Variants in PITPNC1 observed in about 807,000 individuals in gnomAD.
PITPNC1 encodes phosphatidylinositol transfer protein cytoplasmic 1.
A neutral mutation model predicts 44.7 loss-of-function variants in PITPNC1; 18 were observed. The observed-to-expected ratio is 0.40, with a 90% CI of 0.28 to 0.60. The LOEUF is 0.60. Among genes scored for constraint, PITPNC1 ranks in the 20% least tolerant of loss-of-function variants. PITPNC1 has a pLI of 0.39. For missense variants in PITPNC1, 290 were observed against 418.4 expected (o/e 0.69, Z 2.68); for synonymous variants, 141 against 149.6 (o/e 0.94, Z 0.42).
intron 1 of PITPNC1, among the ~76,000 whole-genome samples, chr17:67,468,201 C>T (rs2039455060): frequency 6.6e-6 from 1 of 152,104 alleles, no homozygotes; most frequent in South Asian, 2.1e-4. Flanking sequence ...TCTAGTACAA[C>T]CACCAGCTGA....
chr17:67,414,664 C>G (rs969603251), intron 1 of PITPNC1, among the ~76,000 whole-genome samples: 2 of 151,944 alleles, frequency 1.3e-5, no homozygotes, highest in African/African-American at 4.8e-5. Context: ...GTGTGCAAAG[C>G]CAAAAATATT....
At chr17:67,466,214 G>C (rs1181036158) in intron 1 of PITPNC1, among the ~76,000 whole-genome samples, 1 of 135,592 alleles carries the variant, frequency 7.4e-6, no homozygotes, top group Non-Finnish European at 1.6e-5. Context: ...GTGGGGGGGG[G>C]CGCGTCTCAC....
chr17:67,601,513 G>A (rs1400707792), intron 5 of PITPNC1, among the ~76,000 whole-genome samples: 1 of 152,122 alleles, frequency 6.6e-6, no homozygotes, highest in Non-Finnish European at 1.5e-5. Context: ...CACTGTGGGA[G>A]GCTGGAGAAG....
intron 8 of PITPNC1, among the ~76,000 whole-genome samples, chr17:67,687,878 A>T (rs543476281): frequency 6.6e-6 from 1 of 152,066 alleles, no homozygotes; most frequent in Non-Finnish European, 1.5e-5. Flanking sequence ...GTAATCTCTC[A>T]ATCATTCATG....
At position 67,630,283 on chromosome 17, in the gene PITPNC1, T is replaced by C. The variant is rs150882924; in HGVS notation, c.367-1860T>C. On this transcript the variant is annotated intron_variant, in intron 5 of 8. Coordinates refer to ENST00000581322, the MANE Select transcript of PITPNC1 (RefSeq NM_012417.4). ...AATGAGCTAAACAGTGGGATGTGGCTACAGTTAAGACTTCCTCTAAGAATG... is the reference window on the plus strand; with the variant it reads ...AATGAGCTAAACAGTGGGATGTGGCCACAGTTAAGACTTCCTCTAAGAATG... Among the ~76,000 whole-genome samples, 9 of 152,370 alleles carry C rather than the reference T, an allele frequency of 5.9e-5. No homozygotes were observed. In the East Asian group the frequency reaches 1.7e-3, roughly 29 times the overall value.
intron 6 of PITPNC1, among the ~76,000 whole-genome samples, chr17:67,650,542 G>C (rs1210302959): frequency 6.9e-6 from 1 of 143,906 alleles, no homozygotes; most frequent in South Asian, 2.2e-4. Context: ...TCTGCCTCTC[G>C]GGTTTAAGCG....
chr17:67,516,730 C>T (rs141764649), intron 1 of PITPNC1, among the ~76,000 whole-genome samples: 2,191 of 152,246 alleles, frequency 0.014, 48 homozygotes, highest in African/African-American at 0.05. Flanking sequence ...GCGATTCTCC[C>T]GCCTCAGCCT....
At chr17:67,535,816 G>A (rs1341224902) in intron 2 of PITPNC1, among the ~76,000 whole-genome samples, 3 of 152,200 alleles carry the variant, frequency 2.0e-5, no homozygotes, top group African/African-American at 7.2e-5. Context: ...TAATGCTAAG[G>A]AAGGGCATCG....
chr17:67,497,863 CTT>C (rs372628446), intron 1 of PITPNC1, among the ~76,000 whole-genome samples: 1 of 131,680 alleles, frequency 7.6e-6, no homozygotes, highest in Non-Finnish European at 1.6e-5. Context: ...ATTTTTCTTT[CTT>C]TTTTTTTTTT....
chr17:67,627,598 A>G (rs1410607369), intron 5 of PITPNC1, among the ~76,000 whole-genome samples: 1 of 152,206 alleles, frequency 6.6e-6, no homozygotes, highest in East Asian at 1.9e-4. Flanking sequence ...GGAGACTCAG[A>G]TTCTGAATTT....
chr17:67,661,015 C>T (rs1301153067), intron 6 of PITPNC1, among the ~76,000 whole-genome samples: 3 of 148,496 alleles, frequency 2.0e-5, no homozygotes, highest in South Asian at 2.1e-4. Context: ...CCCGCCACCA[C>T]GCCCAGCTAA....
chr17:67,425,341 T>C (rs1272517434), intron 1 of PITPNC1, among the ~76,000 whole-genome samples: 1 of 148,402 alleles, frequency 6.7e-6, no homozygotes, highest in Non-Finnish European at 1.5e-5. Flanking sequence ...CCCTCAGAAA[T>C]GGTCACAGCT....
chr17:67,495,040 G>GTTTGTT (rs2039926874), intron 1 of PITPNC1, among the ~76,000 whole-genome samples: 3 of 64,722 alleles, frequency 4.6e-5, no homozygotes, highest in South Asian at 6.3e-4. Flanking sequence ...CCATGGAGTT[G>GTTTGTT]TTTTTTTTTT....
chr17:67,401,486 G>A (rs892432804), intron 1 of PITPNC1, among the ~76,000 whole-genome samples: 1 of 152,076 alleles, frequency 6.6e-6, no homozygotes, highest in Non-Finnish European at 1.5e-5. Context: ...TTTCAGGATC[G>A]TTTCTACCAC....
At chr17:67,517,495 C>T (rs2040273861) in intron 1 of PITPNC1, among the ~76,000 whole-genome samples, 1 of 152,140 alleles carries the variant, frequency 6.6e-6, no homozygotes, top group African/African-American at 2.4e-5. Flanking sequence ...ATAATAGCCA[C>T]AAGGTGGAAA....
intron 1 of PITPNC1, among the ~76,000 whole-genome samples, chr17:67,405,456 G>T (rs1048239915): frequency 6.6e-6 from 1 of 151,832 alleles, no homozygotes; most frequent in African/African-American, 2.4e-5. Context: ...GTTGATTGTG[G>T]CTTAAAAAAC....
chr17:67,571,281 A>T (rs2041053277), intron 4 of PITPNC1, among the ~76,000 whole-genome samples: 1 of 152,122 alleles, frequency 6.6e-6, no homozygotes. Context: ...AAGTAAAAAA[A>T]ATTAGCTGGG....
intron 8 of PITPNC1, among the ~76,000 whole-genome samples, chr17:67,678,633 C>A (rs1255833325): frequency 6.6e-6 from 1 of 152,250 alleles, no homozygotes; most frequent in African/African-American, 2.4e-5. Context: ...CTTCATCACA[C>A]AGATGCAGAC....
At chr17:67,407,948 A>G (rs966710753) in intron 1 of PITPNC1, among the ~76,000 whole-genome samples, 4 of 152,104 alleles carry the variant, frequency 2.6e-5, no homozygotes, top group Non-Finnish European at 4.4e-5. Flanking sequence ...CAAAAGGATC[A>G]TAAGTTTTAT....
Sources: gnomAD v4.1 joint callset for allele counts (sites outside exome capture counted in the v4.1 genomes callset) on GRCh38, gnomAD v4.1.1 for gene constraint, MANE v1.5 for transcripts, NCBI Gene and HGNC (gene_info 2026-07-23, HGNC 2026-07-21) for gene names.